TTC31: variants seen among roughly 807,000 people sequenced by gnomAD.
The protein encoded by TTC31 is tetratricopeptide repeat protein 31.
A neutral mutation model predicts 60.4 loss-of-function variants in TTC31; 59 were observed. The ratio of observed to expected loss-of-function variants is 0.98; its 90% CI spans 0.79 to 1.21. The LOEUF (loss-of-function observed/expected upper bound fraction) is 1.21. Ranked by LOEUF, TTC31 falls within the 50% of genes most tolerant of loss-of-function variation. The probability of loss-of-function intolerance (pLI) is 0.00; values close to 1 mark genes in which losing one functional copy is unlikely to be tolerated. For synonymous variants in TTC31, 225 were observed against 249.6 expected (o/e 0.90, Z 0.93); for missense variants, 672 against 646.9 (o/e 1.04, Z -0.42).
rs569753223 is a variant in TTC31, at chr2:74,483,116, T to G, written c.21T>G (p.Thr7=). 2 of 1,614,154 alleles carry G rather than the reference T, an allele frequency of 1.2e-6. No homozygotes were observed. Among genetic ancestry groups the G allele is most frequent in the African/African-American group, 1.3e-5 (1 of 75,026 alleles). The change falls in exon 1 of 13, where the codon ACT becomes ACG. Residue 7 remains threonine, a synonymous_variant. Transcript: ENST00000233623. MAPIPK[T]VGRIKLDCSL... ...ATGCGATGGCGCCGATTCCAAAGAC[T>G]GTGGGGCGGATCAAGCTAGGTGAGC... is the stretch of plus-strand genomic sequence containing the variant.
In TTC31 at chr2:74,491,147, G is replaced by A. The variant is rs368112249; in HGVS notation, c.566G>A (p.Arg189Gln). Residue 189 changes from arginine to glutamine, a missense_variant, in exon 6 of 13, where the codon CGA becomes CAA. Arg to Gln is a conservative substitution (Grantham distance 43, BLOSUM62 1). Transcript: ENST00000233623. ...TTGCAGCGTCAAAAGGAACGGAAGC[G>A]ACAGGAGCGTTTGGAGCAGTACTGT... ...LKKKRQKERK[R>Q]QERLEQYCGE... 9 of 1,614,230 alleles carry A rather than the reference G, an allele frequency of 5.6e-6. No homozygotes were observed. The highest frequency in any genetic ancestry group is 2.2e-5 in the East Asian group (1 of 44,888).
chr2:74,493,962 C>T lies in TTC31; in HGVS notation c.*744C>T, dbSNP rs1674215023. On this transcript the variant is annotated 3_prime_UTR_variant, in exon 13 of 13. Coordinates refer to ENST00000233623, the MANE Select transcript of TTC31 (RefSeq NM_022492.6). ...AACCTTGGCCACTCTGTTTCTCCAC[C>T]CCAGCACTGGGCATGGTAATTAGCC... 6.6e-6 allele frequency: 1 copy of T among 152,226 alleles called. No individual in the cohort carries two copies. Among genetic ancestry groups the T allele is most frequent in the Admixed American group, 6.5e-5 (1 of 15,276 alleles). 9.4% of individuals were successfully genotyped at this position (152,226 alleles called of 1,614,324 possible).
chr2:74,484,236 CA>C (rs1199695002), intron 2 of TTC31, among the ~76,000 whole-genome samples: 2 of 143,252 alleles, frequency 1.4e-5, no homozygotes, highest in African/African-American at 2.6e-5. Context: ...GACTCCATTT[CA>C]AAAAAAAAAT....
rs1217941134 is a variant in TTC31, at chr2:74,490,649, C to T, written c.463-7C>T. ...TCTTTTTCTGTCACCTGCCCTTCGT[C>T]CTTCAGGAAGCCAATCGCCTGGCTG... On this transcript the variant is annotated splice_region_variant and splice_polypyrimidine_tract_variant and intron_variant, in intron 4 of 12. Coordinates refer to ENST00000233623, the MANE Select transcript of TTC31 (RefSeq NM_022492.6). 1.2e-6 allele frequency: 2 copies of T among 1,613,556 alleles called. No homozygotes were observed. The highest frequency in any genetic ancestry group is 1.3e-5 in the African/African-American group (1 of 74,896).
intron 8 of TTC31, 57 bp from the exon 9 acceptor site, chr2:74,491,947 A>G: frequency 6.2e-7 from 1 of 1,612,782 alleles, no homozygotes; most frequent in East Asian, 2.2e-5. Context: ...AACAAAGGAG[A>G]AGGATTTGGG....
intron 3 of TTC31, 52 bp from the exon 4 acceptor site, chr2:74,490,192 T>C: frequency 6.2e-7 from 1 of 1,610,870 alleles, no homozygotes; most frequent in Admixed American, 1.7e-5. Context: ...GACCCTCAGA[T>C]GCACCCCGCT....
rs545843734 is a variant in TTC31 at position 74,493,239 on chromosome 2, G to A, written c.*21G>A. On this transcript the variant is annotated 3_prime_UTR_variant, in exon 13 of 13. Coordinates refer to ENST00000233623, the MANE Select transcript of TTC31 (RefSeq NM_022492.6). ...GATGAGGGGGCACCGGTCCCTCATA[G>A]GGCAGGGCCATGTATATATCCCTTG... 5.0e-6 allele frequency: 8 copies of A among 1,611,816 alleles called. No individual in the cohort carries two copies. In the African/African-American group the frequency reaches 1.1e-4, roughly 21 times the overall value.
chr2:74,491,240 G>C (rs962458863), intron 6 of TTC31, 55 bp from the exon 7 acceptor site: 1 of 1,614,054 alleles, frequency 6.2e-7, no homozygotes, highest in African/African-American at 1.3e-5. Context: ...TGAGGGCCAA[G>C]AAAGCAGGCA....
At chr2:74,485,511 C>T (rs1302720462) in intron 2 of TTC31, among the ~76,000 whole-genome samples, 9 of 149,272 alleles carry the variant, frequency 6.0e-5, no homozygotes, top group Admixed American at 2.0e-4. Flanking sequence ...GCTCCCGTTG[C>T]CCAGGCTGGA....
intron 2 of TTC31, among the ~76,000 whole-genome samples, chr2:74,487,992 C>G (rs1019955763): frequency 5.9e-5 from 9 of 151,848 alleles, no homozygotes; most frequent in Non-Finnish European, 1.2e-4. Flanking sequence ...ATTTATTTAT[C>G]GAGACAGGGT....
chr2:74,492,249 G>A lies in TTC31; in HGVS notation c.1019+20G>A. The A allele has an allele frequency of 2.5e-6, 4 of 1,614,164 alleles. No individual in the cohort carries two copies. Among genetic ancestry groups the A allele is most frequent in the East Asian group, 2.2e-5 (1 of 44,888 alleles). On this transcript the variant is annotated intron_variant, in intron 10 of 12. Coordinates refer to ENST00000233623, the MANE Select transcript of TTC31 (RefSeq NM_022492.6). ...CCACCGGTAGGTGGGGGCTTGGCCA[G>A]GGCAGGGCAGAGTGTTGAGGACTCA...
intron 2 of TTC31, among the ~76,000 whole-genome samples, chr2:74,484,906 C>A: frequency 6.6e-6 from 1 of 151,842 alleles, no homozygotes; most frequent in East Asian, 1.9e-4. Flanking sequence ...TGCTTTTCTT[C>A]TAATCCCAAT....
intron 5 of TTC31, 185 bp downstream of exon 5, chr2:74,490,924 C>G: frequency 2.3e-6 from 2 of 886,088 alleles, no homozygotes; most frequent in Non-Finnish European, 3.5e-6. Flanking sequence ...GTTCTGGAAT[C>G]CTACTGTGCT....
intron 2 of TTC31, among the ~76,000 whole-genome samples, chr2:74,487,679 A>C (rs1673291210): frequency 6.6e-6 from 1 of 151,638 alleles, no homozygotes; most frequent in Non-Finnish European, 1.5e-5. Context: ...TTATTAATTA[A>C]TTAATTTATT....
intron 1 of TTC31, 76 bp from the exon 2 acceptor site, chr2:74,483,246 T>G: frequency 1.2e-6 from 2 of 1,612,756 alleles, no homozygotes; most frequent in Non-Finnish European, 1.7e-6. Flanking sequence ...GGGCGGAGAG[T>G]CGAGGGTAGA....
chr2:74,491,631 C>A lies in TTC31; in HGVS notation c.835C>A (p.Pro279Thr). The change falls in exon 8 of 13, where the codon CCT becomes ACT. Residue 279 changes from proline to threonine, a missense_variant. Transcript: ENST00000233623. The stretch of plus-strand genomic sequence containing the variant: ...GAAGATGGGTCAAGAGGAAGAGAGC[C>A]CTCCAAGAGAGGAGAGGCCCCAGCA... ...LQKMGQEEES[P>T]PREERPQQSP... The A allele has an allele frequency of 6.2e-7, 1 of 1,614,168 alleles. No homozygotes were observed. Among genetic ancestry groups the A allele is most frequent in the South Asian group, 1.1e-5 (1 of 91,084 alleles).
intron 2 of TTC31, among the ~76,000 whole-genome samples, chr2:74,488,684 T>G (rs1373290538): frequency 1.3e-5 from 2 of 152,184 alleles, no homozygotes; most frequent in Non-Finnish European, 2.9e-5. Context: ...TCCCATCTAC[T>G]CAGGAGGCTC....
At chr2:74,489,806 G>C (rs1412765434) in intron 2 of TTC31, among the ~76,000 whole-genome samples, 2 of 152,168 alleles carry the variant, frequency 1.3e-5, no homozygotes, top group Admixed American at 1.3e-4. Flanking sequence ...TCAACCCTTG[G>C]GAAGGCAGGA....
intron 1 of TTC31, 84 bp downstream of exon 1, chr2:74,483,219 G>A: frequency 6.2e-7 from 1 of 1,613,632 alleles, no homozygotes; most frequent in South Asian, 1.1e-5. Context: ...AACGTTTCGA[G>A]TAGGATTTTA....
Sources: allele counts gnomAD v4.1 joint callset (sites outside exome capture counted in the v4.1 genomes callset), GRCh38; gene constraint gnomAD v4.1.1; transcripts MANE v1.5; gene names NCBI Gene and HGNC (gene_info 2026-07-23, HGNC 2026-07-21).